The following DNAH6 variants were observed in gnomAD, a reference collection of about 807,000 sequenced individuals.
DNAH6 encodes axonemal beta dynein heavy chain 6.
Under a neutral mutation model 491.4 loss-of-function variants are expected in DNAH6, and 340 were observed. The observed-to-expected ratio is 0.69, with a 90% CI of 0.63 to 0.76. The LOEUF (loss-of-function observed/expected upper bound fraction) is 0.76, where lower values mean the gene tolerates loss of function less well. DNAH6 is among the 30% of genes least tolerant of loss of function. The pLI, the probability that DNAH6 is intolerant of heterozygous loss-of-function variation, is 0.00. For missense variants in DNAH6, 4,443 were observed against 4,972.2 expected, an observed-to-expected ratio of 0.89 and a Z score of 3.20; for synonymous variants, 1,603 against 1,686.1, an observed-to-expected ratio of 0.95 and a Z score of 1.21.
chr2:84,726,662 T>C (rs1396748587), intron 60 of DNAH6, among the ~76,000 whole-genome samples: 3 of 152,002 alleles, frequency 2.0e-5, no homozygotes, highest in East Asian at 1.9e-4. Context: ...TTAGGAGATA[T>C]ACCTAATGCT....
intron 51 of DNAH6, among the ~76,000 whole-genome samples, chr2:84,705,285 C>T (rs186095780): frequency 6.6e-6 from 1 of 152,270 alleles, no homozygotes; most frequent in Admixed American, 6.5e-5. Flanking sequence ...AGCTGGGTCG[C>T]ATGGAAACTT....
rs1457452822 is a variant in DNAH6 at position 84,611,830 on chromosome 2, G to A, written c.3451G>A (p.Ala1151Thr). The A allele has an allele frequency of 1.3e-6, 2 of 1,550,690 alleles. No homozygotes were observed. Among genetic ancestry groups the A allele is most frequent in the Non-Finnish European group, 1.7e-6 (2 of 1,146,480 alleles). The change falls in exon 22 of 77, where the codon GCT becomes ACT. Residue 1151 changes from alanine to threonine, a missense_variant. By Grantham distance (58) the Ala-to-Thr change is moderately conservative. Coordinates refer to ENST00000389394, the MANE Select transcript of DNAH6 (RefSeq NM_001370.2). Reference sequence around the variant, plus strand: ...GAGAAAGGTGAATCGGCTGCCTAATGCTCTTCGAGCCGCTACTCAGCCAGG... The same window carrying A: ...GAGAAAGGTGAATCGGCTGCCTAATACTCTTCGAGCCGCTACTCAGCCAGG... ...IMRKVNRLPN[A>T]LRAATQPGLL... is the part of the protein sequence containing the mutation.
rs146004884 is a variant in DNAH6 at position 84,602,364 on chromosome 2, A to G, written c.2869-1975A>G. Among the ~76,000 whole-genome samples, 647 of 151,610 alleles carry G rather than the reference A, an allele frequency of 4.3e-3. 1 individual carries two copies. Among genetic ancestry groups the G allele is most frequent in the Middle Eastern group, 0.021 (6 of 292 alleles). On this transcript the variant is annotated intron_variant, in intron 18 of 76. Coordinates refer to ENST00000389394, the MANE Select transcript of DNAH6 (RefSeq NM_001370.2). ...ACTGGGTATATAATTCTGAGACAAC[A>G]GTTTTTGTTTCTGTTTTTCCTTCAG...
upstream of DNAH6, among the ~76,000 whole-genome samples, chr2:84,514,579 GT>G (rs1358761962): frequency 1.3e-5 from 2 of 152,144 alleles, no homozygotes; most frequent in Admixed American, 1.3e-4. Flanking sequence ...GGAATTTCAT[GT>G]TTGTTAGCAG....
chr2:84,663,495 C>T (rs1490915920), intron 37 of DNAH6, among the ~76,000 whole-genome samples: 4 of 150,864 alleles, frequency 2.7e-5, no homozygotes, highest in African/African-American at 9.9e-5. Context: ...GAAAGGGTAT[C>T]AGAGATTGAA....
intron 4 of DNAH6, among the ~76,000 whole-genome samples, chr2:84,531,629 G>A (rs1483375308): frequency 6.6e-6 from 1 of 151,910 alleles, no homozygotes; most frequent in Admixed American, 6.6e-5. Context: ...TTTTACAACT[G>A]AGACATAGAA....
At chr2:84,477,088 AAG>A in the DNAH6 span, among the ~76,000 whole-genome samples, 2 of 148,740 alleles carry the variant, frequency 1.3e-5, no homozygotes, top group East Asian at 3.9e-4. Flanking sequence ...GATTGAGAAA[AAG>A]AGTTTGAGAG....
At position 84,582,132 on chromosome 2, in the gene DNAH6, G is replaced by C. The variant is rs547338284; in HGVS notation, c.2230-1867G>C. ...ACTTGTTCGAGGTGTTAGAAACTTT[G>C]GTTGAAAGTCACAAAAACTCACATA... On this transcript the variant is annotated intron_variant, in intron 14 of 76. Transcript: ENST00000389394. 3.9e-5 allele frequency among the ~76,000 whole-genome samples: 6 copies of C among 152,284 alleles called. No individual in the cohort carries two copies. In the South Asian group the frequency reaches 1.2e-3, roughly 32 times the overall value.
At chr2:84,692,531 G>C (rs140120664) in intron 45 of DNAH6, among the ~76,000 whole-genome samples, 1 of 152,054 alleles carries the variant, frequency 6.6e-6, no homozygotes, top group African/African-American at 2.4e-5. Flanking sequence ...AATTAAACCT[G>C]CTTTTATATT....
At position 84,715,607 on chromosome 2, in the gene DNAH6, C is replaced by T. The variant is rs1433830991; in HGVS notation, c.9591C>T (p.Gly3197=). 6.4e-7 allele frequency: 1 copy of T among 1,551,108 alleles called. No homozygotes were observed. Among genetic ancestry groups the T allele is most frequent in the Non-Finnish European group, 8.7e-7 (1 of 1,146,826 alleles). ...TIINFTVTKS[G]LEDQLLSDVV... ...TCAATTTCACTGTAACAAAATCAGG[C>T]CTGGAGGATCAGTTGTTAAGGTAAA... The change falls in exon 58 of 77, where the codon GGC becomes GGT. Residue 3197 remains glycine, a synonymous_variant. Transcript: ENST00000389394.
intron 61 of DNAH6, among the ~76,000 whole-genome samples, chr2:84,732,069 T>G (rs1345180890): frequency 5.9e-5 from 9 of 152,082 alleles, no homozygotes; most frequent in Non-Finnish European, 1.3e-4. Context: ...GGAGCAACAT[T>G]AGAGACTTAA....
chr2:84,463,284 C>A, the DNAH6 span, among the ~76,000 whole-genome samples: 1 of 152,268 alleles, frequency 6.6e-6, no homozygotes. Context: ...TCCTTCCCAG[C>A]TGCAGGTTGT....
chr2:84,553,070 C>T (rs1424426339), intron 10 of DNAH6, 36 bp downstream of exon 10: 2 of 1,274,694 alleles, frequency 1.6e-6, no homozygotes, highest in Non-Finnish European at 2.2e-6. Flanking sequence ...CATGCAAGCA[C>T]CTATTTGGAA....
chr2:84,475,630 A>G, the DNAH6 span, among the ~76,000 whole-genome samples: 1 of 152,312 alleles, frequency 6.6e-6, no homozygotes, highest in Admixed American at 6.5e-5. Context: ...GTTACCTCCA[A>G]TGCCATCACA....
At chr2:84,536,966 A>G (rs940396243) in intron 4 of DNAH6, among the ~76,000 whole-genome samples, 3 of 152,020 alleles carry the variant, frequency 2.0e-5, no homozygotes, top group African/African-American at 7.2e-5. Context: ...GTTTTGTCAT[A>G]TTATATAAAG....
At chr2:84,812,224 A>T in intron 72 of DNAH6, 117 bp from the exon 73 acceptor site, 1 of 820,514 alleles carries the variant, frequency 1.2e-6, no homozygotes, top group South Asian at 1.8e-5. Flanking sequence ...TGCAAAGAGG[A>T]TAGAACCTAG....
chr2:84,543,714 T>C (rs1049231522), intron 4 of DNAH6, among the ~76,000 whole-genome samples: 14 of 152,130 alleles, frequency 9.2e-5, no homozygotes, highest in Non-Finnish European at 1.5e-5. Flanking sequence ...ATGACAACAG[T>C]TGAAAGAGAG....
chr2:84,530,718 T>C (rs1488685900), intron 4 of DNAH6, among the ~76,000 whole-genome samples: 3 of 151,916 alleles, frequency 2.0e-5, no homozygotes, highest in African/African-American at 7.3e-5. Context: ...GATGATGAAG[T>C]GGTAAGAAAT....
chr2:84,658,402 C>A lies in DNAH6; in HGVS notation c.5868C>A (p.Ile1956=), dbSNP rs1691183337. The A allele has an allele frequency of 1.3e-6, 2 of 1,549,156 alleles. No individual in the cohort carries two copies. The highest frequency in any genetic ancestry group is 3.9e-5 in the Admixed American group (2 of 50,712). The change falls in exon 36 of 77, where the codon ATC becomes ATA. Residue 1956 remains isoleucine, a synonymous_variant. Transcript: ENST00000389394. ...KCSQAIPQVD[I]SKVTTLCCLL... ...GCCAAGCAATTCCACAAGTGGACAT[C>A]AGCAAAGTTACTACACTCTGTTGCT...
Sources: gnomAD v4.1 joint callset for allele counts (sites outside exome capture counted in the v4.1 genomes callset) on GRCh38, gnomAD v4.1.1 for gene constraint, MANE v1.5 for transcripts, NCBI Gene and HGNC (gene_info 2026-07-23, HGNC 2026-07-21) for gene names.